The following TERF1 variants were observed in gnomAD, a reference collection of about 807,000 sequenced individuals.
The protein encoded by TERF1 is telomeric repeat-binding factor 1.
Under a neutral mutation model 55.1 loss-of-function variants are expected in TERF1, and 20 were observed. The observed-to-expected ratio is 0.36, with a 90% confidence interval of 0.26 to 0.53. The LOEUF is 0.53. Ranked by LOEUF, TERF1 falls within the 20% of genes least tolerant of loss-of-function variation. TERF1 has a pLI of 0.91. For missense variants in TERF1, 439 were observed against 535.7 expected (o/e 0.82, Z 1.78); for synonymous variants, 168 against 181.2 (o/e 0.93, Z 0.59).
In TERF1 at chr8:73,008,948, C is replaced by G. The variant is rs370999354; in HGVS notation, c.62C>G (p.Ala21Gly). The G allele has an allele frequency of 2.3e-5, 37 of 1,612,664 alleles. No individual in the cohort carries two copies. The highest frequency in any genetic ancestry group is 3.4e-6 in the Non-Finnish European group (4 of 1,179,646). ...CGGGGCTGTGCGGATGGTAGGGATG[C>G]CGACCCTACTGAGGAGCAGATGGCA... ...SPRGCADGRDADPTEEQMAET... is the reference protein window; with the variant it reads ...SPRGCADGRDGDPTEEQMAET... Residue 21 changes from alanine (A) to glycine (G), a missense_variant, in exon 1 of 10, where the codon GCC becomes GGC. By Grantham distance (60) the Ala-to-Gly change is moderately conservative. Coordinates refer to ENST00000276603, the MANE Select transcript of TERF1 (RefSeq NM_017489.3).
At chr8:73,029,615 A>T (rs931600129) in intron 6 of TERF1, among the ~76,000 whole-genome samples, 1 of 151,864 alleles carries the variant, frequency 6.6e-6, no homozygotes, top group East Asian at 1.9e-4. Context: ...AAAAAAAAAA[A>T]GGGGGTGTAA....
At chr8:73,025,016 A>G in intron 5 of TERF1, 45 bp downstream of exon 5, 1 of 1,190,496 alleles carries the variant, frequency 8.4e-7, no homozygotes, top group Non-Finnish European at 1.2e-6. Context: ...CTTAAAGGAA[A>G]CGTTATAATA....
intron 2 of TERF1, among the ~76,000 whole-genome samples, chr8:73,014,750 T>C (rs1808424103): frequency 6.6e-6 from 1 of 152,236 alleles, no homozygotes. Context: ...TTACATAAAA[T>C]CCCAGTGTAT....
chr8:73,046,257 G>A lies in TERF1; in HGVS notation c.*120G>A. 1 of 818,286 alleles carries A rather than the reference G, an allele frequency of 1.2e-6. No homozygotes were observed. Among genetic ancestry groups the A allele is most frequent in the Non-Finnish European group, 1.8e-6 (1 of 558,686 alleles). 50.7% of individuals were successfully genotyped at this position (818,286 alleles called of 1,614,324 possible). A position where few individuals can be genotyped will look rare whatever the true frequency, so the allele number is the denominator to read the frequency against. On this transcript the variant is annotated 3_prime_UTR_variant, in exon 10 of 10. Transcript: ENST00000276603. ...GTTTAAAGCATTACAGTATTTTTCTGTGACCATCAATTAATGAGGGTTTGT... is the reference window on the plus strand; with the variant it reads ...GTTTAAAGCATTACAGTATTTTTCTATGACCATCAATTAATGAGGGTTTGT...
chr8:73,039,428 T>G (rs1809741276), intron 9 of TERF1, among the ~76,000 whole-genome samples: 1 of 152,144 alleles, frequency 6.6e-6, no homozygotes, highest in Admixed American at 6.6e-5. Flanking sequence ...TTAAGTTGGG[T>G]GTTGGTACTG....
At chr8:73,044,382 CTTCTGCATGGGTTTGGTTA>C (rs1445792064) in intron 9 of TERF1, among the ~76,000 whole-genome samples, 1 of 152,138 alleles carries the variant, frequency 6.6e-6, no homozygotes, top group Non-Finnish European at 1.5e-5. Flanking sequence ...CTCAAACAAA[CTTCTGCATGGGTTTGGTTA>C]CGGTCACTGC....
chr8:73,023,976 T>C (rs1185091764), intron 4 of TERF1, among the ~76,000 whole-genome samples: 2 of 152,210 alleles, frequency 1.3e-5, no homozygotes, highest in Non-Finnish European at 2.9e-5. Flanking sequence ...TAACTGCATA[T>C]TTTAAAAGCC....
intron 5 of TERF1, among the ~76,000 whole-genome samples, chr8:73,025,446 C>CA (rs909265826): frequency 1.3e-5 from 2 of 149,058 alleles, no homozygotes; most frequent in African/African-American, 2.5e-5. Context: ...CCCTTATCTA[C>CA]AAAAAAATAC....
At chr8:73,026,075 G>A (rs1808981870) in intron 5 of TERF1, among the ~76,000 whole-genome samples, 1 of 149,228 alleles carries the variant, frequency 6.7e-6, no homozygotes, top group Admixed American at 6.7e-5. Context: ...GCACACGCCT[G>A]TAGTCCCAGC....
At chr8:73,013,739 T>C (rs1352371873) in intron 1 of TERF1, 156 bp from the exon 2 acceptor site, 4 of 581,460 alleles carry the variant, frequency 6.9e-6, no homozygotes, top group Non-Finnish European at 3.1e-6. Flanking sequence ...TGCTATTCTT[T>C]TTTTTTGTTC....
chr8:73,039,064 C>G (rs1055007847), intron 8 of TERF1, 52 bp from the exon 9 acceptor site: 1 of 1,190,486 alleles, frequency 8.4e-7, no homozygotes, highest in Non-Finnish European at 1.2e-6. Context: ...TATAATTGCT[C>G]TTTTTTCTTT....
intron 9 of TERF1, among the ~76,000 whole-genome samples, chr8:73,039,919 G>A (rs962310763): frequency 3.3e-5 from 5 of 151,206 alleles, no homozygotes; most frequent in Non-Finnish European, 5.9e-5. Flanking sequence ...CAAAAGTGCT[G>A]GGACTGTAGG....
rs1809032869 is a variant in TERF1 at position 73,026,955 on chromosome 8, G to T, written c.790G>T (p.Val264Leu). 1.2e-6 allele frequency: 2 copies of T among 1,611,238 alleles called. No homozygotes were observed. The highest frequency in any genetic ancestry group is 2.7e-5 in the African/African-American group (2 of 74,834). ...TFLMKAAAKV[V>L]ESKRTRTITS... ...GTTTTTTAAGGCAGCGGCAAAAGTA[G>T]TAGAAAGCAAAAGGACAAGAACAAT... Residue 264 changes from valine to leucine, a missense_variant, in exon 6 of 10, where the codon GTA (valine) becomes TTA (leucine). Val to Leu is a conservative substitution (Grantham distance 32). Around this residue, in one of 4 missense-constraint regions of TERF1, gnomAD observed 140 missense variants for 158.6 expected, o/e 0.88. Coordinates refer to ENST00000276603, the MANE Select transcript of TERF1 (RefSeq NM_017489.3).
At chr8:73,037,741 A>G (rs1338982329) in intron 8 of TERF1, among the ~76,000 whole-genome samples, 3 of 85,846 alleles carry the variant, frequency 3.5e-5, no homozygotes, top group Non-Finnish European at 6.2e-5. Flanking sequence ...AGTATGAAAT[A>G]TATATTATAT....
intron 2 of TERF1, among the ~76,000 whole-genome samples, chr8:73,019,601 C>G (rs183396368): frequency 1.3e-4 from 20 of 152,258 alleles, no homozygotes; most frequent in African/African-American, 4.6e-4. Context: ...GTGTCATCAT[C>G]GCTCACTGAG....
At chr8:73,040,891 C>T (rs1809807462) in intron 9 of TERF1, among the ~76,000 whole-genome samples, 1 of 152,094 alleles carries the variant, frequency 6.6e-6, no homozygotes. Flanking sequence ...CTTATGAGCC[C>T]ATCAGAGGCA....
At position 73,008,891 on chromosome 8, in the gene TERF1, C is replaced by T. The variant is rs201810500; in HGVS notation, c.5C>T (p.Ala2Val). The change falls in exon 1 of 10, where the codon GCG becomes GTG. Residue 2 changes from alanine to valine, a missense_variant. By Grantham distance (64) the Ala-to-Val change is moderately conservative. This residue lies in a region of TERF1 where 179 missense variants were observed against 152.6 expected (regional missense o/e 1.17). Coordinates refer to ENST00000276603, the MANE Select transcript of TERF1 (RefSeq NM_017489.3). M[A>V]EDVSSAAPSP... is the part of the protein sequence containing the mutation. ...TACCCAAGCGAGCCATTTAACATGG[C>T]GGAGGATGTTTCCTCAGCGGCCCCG... 9 of 1,604,308 alleles carry T rather than the reference C, an allele frequency of 5.6e-6. No homozygotes were observed. The East Asian group carries it at 1.8e-4, about 32-fold the overall frequency.
Position 73,027,020 on chromosome 8 carries a change from G to A in TERF1, c.855G>A (p.Met285Ile). ...QDKPSGNDVE[M>I]ETEANLDTRK... Reference sequence around the variant, plus strand: ...AACCTAGTGGTAATGATGTTGAAATGGAAACTGAAGCTAATTTGGATACAA... The same window carrying A: ...AACCTAGTGGTAATGATGTTGAAATAGAAACTGAAGCTAATTTGGATACAA... Residue 285 changes from methionine to isoleucine, a missense_variant, in exon 6 of 10, where the codon ATG becomes ATA. Met to Ile is a conservative substitution (Grantham distance 10, BLOSUM62 1). Around this residue, in one of 4 missense-constraint regions of TERF1, gnomAD observed 140 missense variants for 158.6 expected, o/e 0.88. Transcript: ENST00000276603. The A allele has an allele frequency of 6.2e-7, 1 of 1,612,108 alleles. No individual in the cohort carries two copies. Among genetic ancestry groups the A allele is most frequent in the Non-Finnish European group, 8.5e-7 (1 of 1,179,428 alleles).
At chr8:73,039,494 G>A (rs191995051) in intron 9 of TERF1, among the ~76,000 whole-genome samples, 3 of 152,296 alleles carry the variant, frequency 2.0e-5, no homozygotes, top group Admixed American at 2.0e-4. Flanking sequence ...TAGATGTAAG[G>A]TGGGACTTAA....
Sources: allele counts gnomAD v4.1 joint callset (sites outside exome capture counted in the v4.1 genomes callset), GRCh38; gene constraint gnomAD v4.1.1; regional missense constraint gnomAD v4.1.1; transcripts MANE v1.5; gene names NCBI Gene and HGNC (gene_info 2026-07-23, HGNC 2026-07-21).